The following ADARB2 variants were observed in gnomAD, a reference collection of about 807,000 sequenced individuals.
ADARB2 encodes inactive double-stranded RNA-specific editase B2.
A neutral mutation model predicts 62.2 loss-of-function variants in ADARB2; 25 were observed. The ratio of observed to expected loss-of-function variants is 0.40; its 90% CI spans 0.29 to 0.56. ADARB2 has a LOEUF of 0.56. Ranked by LOEUF, ADARB2 falls within the 20% of genes least tolerant of loss-of-function variation. ADARB2 has a pLI of 0.43. For synonymous variants in ADARB2, 572 were observed against 500.8 expected, an observed-to-expected ratio of 1.14 and a Z score of -1.90; for missense variants, 1,071 against 1,077.4, an observed-to-expected ratio of 0.99 and a Z score of 0.08.
chr10:1,707,686 G>T (rs909139086), intron 1 of ADARB2, among the ~76,000 whole-genome samples: 2 of 152,160 alleles, frequency 1.3e-5, no homozygotes, highest in Non-Finnish European at 2.9e-5. Flanking sequence ...GCCTTCCTGG[G>T]CTTGGTTCGG....
chr10:1,292,457 C>G (rs1401775422), intron 3 of ADARB2: 2 of 152,186 alleles, frequency 1.3e-5, no homozygotes, highest in African/African-American at 4.8e-5. Flanking sequence ...GAGTGATTTT[C>G]TTTCAAATCA....
At chr10:1,610,278 C>T (rs1833551297) in intron 1 of ADARB2, among the ~76,000 whole-genome samples, 1 of 152,172 alleles carries the variant, frequency 6.6e-6, no homozygotes, top group Admixed American at 6.5e-5. Flanking sequence ...AAGGTGCTGG[C>T]TGGGAACCCA....
chr10:1,330,183 C>T (rs1007131892), intron 3 of ADARB2, among the ~76,000 whole-genome samples: 4 of 152,054 alleles, frequency 2.6e-5, no homozygotes, highest in Admixed American at 1.3e-4. Context: ...AGCCATGGGC[C>T]GTCCTAGGGT....
intron 1 of ADARB2, among the ~76,000 whole-genome samples, chr10:1,482,237 G>T (rs373351671): frequency 9.2e-5 from 14 of 152,270 alleles, no homozygotes; most frequent in Middle Eastern, 3.4e-3. Flanking sequence ...GTGGGTATAC[G>T]TCCCAGATAA....
At chr10:1,261,837 G>A (rs4880805) in intron 4 of ADARB2, among the ~76,000 whole-genome samples, 38,252 of 149,566 alleles carry the variant, frequency 0.26, 6,214 homozygotes, top group South Asian at 0.49. Flanking sequence ...AAAGACACAT[G>A]CACACGTATG....
At chr10:1,331,269 A>G (rs568027136) in intron 3 of ADARB2, among the ~76,000 whole-genome samples, 1 of 152,370 alleles carries the variant, frequency 6.6e-6, no homozygotes, top group South Asian at 2.1e-4. Flanking sequence ...CAAGAGAAAT[A>G]AAAACATATA....
At chr10:1,444,281 ACATCCATCCATCCATC>A (rs200737452) in intron 1 of ADARB2, among the ~76,000 whole-genome samples, 1 of 117,568 alleles carries the variant, frequency 8.5e-6, no homozygotes, top group Non-Finnish European at 1.6e-5. Context: ...CCATCTATCT[ACATCCATCCATCCATC>A]CATCCATCCA....
intron 1 of ADARB2, among the ~76,000 whole-genome samples, chr10:1,657,910 T>C (rs1834192325): frequency 6.6e-6 from 1 of 152,132 alleles, no homozygotes; most frequent in African/African-American, 2.4e-5. Flanking sequence ...TCTCTGTCTC[T>C]CTTTATCTGA....
intron 3 of ADARB2, among the ~76,000 whole-genome samples, chr10:1,351,362 G>T (rs1438408983): frequency 6.6e-6 from 1 of 151,958 alleles, no homozygotes; most frequent in Non-Finnish European, 1.5e-5. Flanking sequence ...TCAAAGGCCT[G>T]TTTCCCTTGC....
Position 1,179,450 on chromosome 10 carries a change from C to G in ADARB2, c.*3743G>C, listed in dbSNP as rs947964920. ...ATCCTTTCCTCAGCAAAAACAAAAC[C>G]CACAGAAACCCTAACTCTATCCCTT... On this transcript the variant is annotated 3_prime_UTR_variant, in exon 10 of 10. Coordinates refer to ENST00000381312, the MANE Select transcript of ADARB2 (RefSeq NM_018702.4). 3 of 152,204 alleles carry G rather than the reference C, an allele frequency of 2.0e-5. No individual in the cohort carries two copies. The highest frequency in any genetic ancestry group is 7.2e-5 in the African/African-American group (3 of 41,444). 9.4% of individuals were successfully genotyped at this position (152,204 alleles called of 1,614,324 possible).
chr10:1,380,549 C>T (rs906061910), intron 1 of ADARB2, among the ~76,000 whole-genome samples: 38 of 152,358 alleles, frequency 2.5e-4, no homozygotes, highest in African/African-American at 8.9e-4. Context: ...CAGCCTGAAA[C>T]TGGCTCTTTT....
intron 1 of ADARB2, among the ~76,000 whole-genome samples, chr10:1,548,851 T>A (rs1466625724): frequency 6.6e-6 from 1 of 152,184 alleles, no homozygotes; most frequent in African/African-American, 2.4e-5. Context: ...TTTTGTGACC[T>A]GGGCTGACAG....
At chr10:1,229,257 A>T (rs1830775870) in intron 6 of ADARB2, among the ~76,000 whole-genome samples, 1 of 152,176 alleles carries the variant, frequency 6.6e-6, no homozygotes, top group Non-Finnish European at 1.5e-5. Flanking sequence ...CATCCCAGGA[A>T]AGTGGGGCTG....
At position 1,696,133 on chromosome 10, in the gene ADARB2, TCA is replaced by T. The variant is rs1307895354; in HGVS notation, c.100+40916_100+40917del. 6.9e-5 allele frequency among the ~76,000 whole-genome samples: 9 copies of T among 131,046 alleles called. No individual in the cohort carries two copies. In the East Asian group the frequency reaches 2.0e-3, roughly 29 times the overall value. 86.0% of individuals were successfully genotyped at this position (131,046 alleles called of 152,430 possible). ...CACATGTCCATGTTTGCATGTAGTA[TCA>T]CACATGTATATTGTGTGTATGTGTT... On this transcript the variant is annotated intron_variant, in intron 1 of 9. Transcript: ENST00000381312.
At chr10:1,226,217 C>T (rs1343452244) in intron 6 of ADARB2, among the ~76,000 whole-genome samples, 2 of 152,228 alleles carry the variant, frequency 1.3e-5, no homozygotes, top group African/African-American at 2.4e-5. Flanking sequence ...ACTGAGGCTT[C>T]TGCATTTGTC....
intron 1 of ADARB2, among the ~76,000 whole-genome samples, chr10:1,601,935 A>G (rs1833420422): frequency 1.3e-5 from 2 of 152,248 alleles, no homozygotes; most frequent in African/African-American, 4.8e-5. Context: ...CCCAGGACTC[A>G]GCAGAATTCA....
At chr10:1,369,840 T>A (rs561708877) in intron 2 of ADARB2, among the ~76,000 whole-genome samples, 7 of 152,334 alleles carry the variant, frequency 4.6e-5, no homozygotes, top group African/African-American at 1.4e-4. Context: ...ACTTTGTCCC[T>A]GTCTTCTCTC....
At chr10:1,222,957 T>G (rs926129331) in intron 6 of ADARB2, among the ~76,000 whole-genome samples, 1 of 152,122 alleles carries the variant, frequency 6.6e-6, no homozygotes, top group Non-Finnish European at 1.5e-5. Context: ...GTGAAGAAAG[T>G]CATTGGTAGC....
rs376048924 is a variant in ADARB2 at position 1,484,003 on chromosome 10, G to A, written c.101-104843C>T. ...ACACATCAAAGCCACTATTGAATCTGTCTCTCCCCATTGACTTTGCCTTCC... is the reference window on the plus strand; with the variant it reads ...ACACATCAAAGCCACTATTGAATCTATCTCTCCCCATTGACTTTGCCTTCC... On this transcript the variant is annotated intron_variant, in intron 1 of 9. Transcript: ENST00000381312. Among the ~76,000 whole-genome samples the A allele has an allele frequency of 5.9e-5, 9 of 152,242 alleles. No homozygotes were observed. In the South Asian group the frequency reaches 6.2e-4, roughly 11 times the overall value.
Sources: allele counts gnomAD v4.1 joint callset (sites outside exome capture counted in the v4.1 genomes callset), GRCh38; gene constraint gnomAD v4.1.1; transcripts MANE v1.5; gene names NCBI Gene and HGNC (gene_info 2026-07-23, HGNC 2026-07-21).